Variants in NOTCH3 observed in about 807,000 individuals in gnomAD.
The protein encoded by NOTCH3 is notch receptor 3, also known as neurogenic locus notch homolog protein 3.
NOTCH3 carries 86 observed loss-of-function variants against 213.3 expected under a neutral mutation model. That is an observed-to-expected ratio of 0.40 (90% CI 0.34 to 0.48). The LOEUF (loss-of-function observed/expected upper bound fraction) is 0.48, where lower values mean the gene tolerates loss of function less well. Among genes scored for constraint, NOTCH3 ranks in the 20% least tolerant of loss-of-function variants. The probability of loss-of-function intolerance (pLI) is 0.57; values close to 1 mark genes in which losing one functional copy is unlikely to be tolerated. For synonymous variants in NOTCH3, 1,354 were observed against 1,355.9 expected (o/e 1.00, Z 0.03); for missense variants, 2,783 against 3,272.6 (o/e 0.85, Z 3.65).
At chr19:15,178,202 A>C in intron 23 of NOTCH3, 112 bp from the exon 24 acceptor site, 1 of 658,008 alleles carries the variant, frequency 1.5e-6, no homozygotes, top group Non-Finnish European at 2.5e-6. Context: ...GAGAGGGGGA[A>C]GAGAAGAGGT....
chr19:15,176,159 ATTTTT>A (rs34620350), intron 24 of NOTCH3, among the ~76,000 whole-genome samples: 3 of 119,974 alleles, frequency 2.5e-5, no homozygotes, highest in Admixed American at 8.5e-5. Context: ...AACAAAAGCA[ATTTTT>A]TTTTTTTTTT....
In NOTCH3 at chr19:15,160,678, C is replaced by T. The variant is rs907634463; in HGVS notation, c.6950G>A (p.Arg2317Lys). 4 of 1,613,974 alleles carry T rather than the reference C, an allele frequency of 2.5e-6. 1 individual carries two copies. In the Admixed American group the frequency reaches 5.0e-5, roughly 20 times the overall value. ...ACGAGCGTCTCAGGCCAACACTTGC[C>T]TCTTGGGGGTAACTTCCGGCTGGGG... The part of the protein sequence containing the change: ...LGPQPEVTPK[R>K]QVLA The change falls in exon 33 of 33, where the codon AGG becomes AAG. Residue 2317 changes from arginine to lysine, a missense_variant. Arg to Lys is a conservative substitution (Grantham distance 26). Around this residue, in one of 6 missense-constraint regions of NOTCH3, gnomAD observed 441 missense variants for 432.1 expected, o/e 1.02. Transcript: ENST00000263388.
rs984787803 is a variant in NOTCH3 at position 15,170,691 on chromosome 19, T to A, written c.4871A>T (p.Tyr1624Phe). The A allele has an allele frequency of 6.9e-7, 1 of 1,454,934 alleles. No homozygotes were observed. Among genetic ancestry groups the A allele is most frequent in the Non-Finnish European group, 9.2e-7 (1 of 1,089,688 alleles). The allele number at this position is 1,454,934 out of a possible 1,614,324, so 90.1% of individuals were successfully genotyped here. A position where few individuals can be genotyped will look rare whatever the true frequency, so the allele number is the denominator to read the frequency against. The change falls in exon 26 of 33, where the codon TAC becomes TTC. Residue 1624 changes from tyrosine (Y) to phenylalanine (F), a missense_variant. Tyr to Phe is a conservative substitution (Grantham distance 22). Coordinates refer to ENST00000263388, the MANE Select transcript of NOTCH3 (RefSeq NM_000435.3). ...CGCACCCCGCACGTCCCGCAGTGGG[T>A]ACGGGAAGTCCAGGCGCTCCACCGC... ...LSAVERLDFP[Y>F]PLRDVRGEPL...
At chr19:15,170,285 C>T (rs2145399720) in intron 27 of NOTCH3, 46 bp downstream of exon 27, 1 of 1,576,732 alleles carries the variant, frequency 6.3e-7, no homozygotes, top group Non-Finnish European at 8.7e-7. Context: ...GTCCAGGGTT[C>T]ACAAGGTCCC....
At chr19:15,190,866 C>T (rs1456157880) in intron 6 of NOTCH3, among the ~76,000 whole-genome samples, 1 of 152,074 alleles carries the variant, frequency 6.6e-6, no homozygotes, top group Non-Finnish European at 1.5e-5. Context: ...GGGTTACAGG[C>T]GTGAGCCACC....
chr19:15,192,609 G>A, intron 2 of NOTCH3, 90 bp from the exon 3 acceptor site: 1 of 1,501,076 alleles, frequency 6.7e-7, no homozygotes, highest in Admixed American at 2.0e-5. Flanking sequence ...AACACGCAGG[G>A]AAACAGAGCA....
At position 15,167,283 on chromosome 19, in the gene NOTCH3, A is replaced by G. The variant is rs2145394590; in HGVS notation, c.5328T>C (p.Asp1776=). 6.2e-7 allele frequency: 1 copy of G among 1,613,544 alleles called. No homozygotes were observed. The highest frequency in any genetic ancestry group is 1.7e-5 in the Admixed American group (1 of 60,026). ...MALTPPQGDA[D]ADGMDVNVRG... ...GCACATTGACATCCATGCCATCAGC[A>G]TCTGCGTCGCCCTGTGGTGGTGTCA... Residue 1776 remains aspartate (D), a synonymous_variant, in exon 29 of 33, where the codon GAT becomes GAC. Transcript: ENST00000263388.
chr19:15,175,823 C>A (rs1341880563), intron 24 of NOTCH3, among the ~76,000 whole-genome samples: 2 of 151,176 alleles, frequency 1.3e-5, no homozygotes, highest in Admixed American at 1.3e-4. Flanking sequence ...TGGGATCAAG[C>A]CTGGGGTATC....
chr19:15,186,745 C>T, intron 12 of NOTCH3, 133 bp downstream of exon 12: 1 of 781,056 alleles, frequency 1.3e-6, no homozygotes. Flanking sequence ...AATGAGACAG[C>T]ACAGACTCAG....
Position 15,180,110 on chromosome 19 carries a change from C to T in NOTCH3, c.3289G>A (p.Gly1097Arg), listed in dbSNP as rs765140794. ...CCCCCCATATAGCCACGGCAGGTCC[C>T]CCCATGCTGGCAGGGCTGGGCCAAG... ...PCLAQPCQHG[G>R]TCRGYMGGYM... Residue 1097 changes from glycine to arginine, a missense_variant, in exon 20 of 33, where the codon GGG becomes AGG. Gly to Arg is a moderately radical substitution (Grantham distance 125, BLOSUM62 -2). This residue lies in a region of NOTCH3 where 861 missense variants were observed against 909.1 expected (regional missense o/e 0.95). Transcript: ENST00000263388. The T allele has an allele frequency of 1.2e-5, 20 of 1,612,744 alleles. No homozygotes were observed. The Admixed American group carries it at 3.0e-4, about 24-fold the overall frequency.
chr19:15,173,104 C>T (rs868840376), intron 25 of NOTCH3, among the ~76,000 whole-genome samples: 1 of 19,244 alleles, frequency 5.2e-5, no homozygotes, highest in Non-Finnish European at 7.9e-5. Context: ...TCTTCTTCTT[C>T]TTTTTTTTTT....
At chr19:15,162,765 G>C (rs979666488) in intron 31 of NOTCH3, among the ~76,000 whole-genome samples, 74 of 13,630 alleles carry the variant, frequency 5.4e-3, no homozygotes, top group South Asian at 0.015. Context: ...GTGTCTGTGT[G>C]TGTGTGTTTG....
In NOTCH3 at chr19:15,174,178, C is replaced by T. The variant is rs1172630293; in HGVS notation, c.4626G>A (p.Ser1542=). The part of the protein sequence containing the change: ...LQRLSAILRT[S]LRFRLDAHGQ... ...CGTGCGCGTCCAGGCGGAAGCGCAG[C>T]GAGGTGCGCAGGATGGCGCTGAGCC... Residue 1542 remains serine (S), a synonymous_variant, in exon 25 of 33, where the codon TCG becomes TCA. Coordinates refer to ENST00000263388, the MANE Select transcript of NOTCH3 (RefSeq NM_000435.3). 6.2e-7 allele frequency: 1 copy of T among 1,609,236 alleles called. No individual in the cohort carries two copies.
chr19:15,160,784 T>TGGC lies in NOTCH3; in HGVS notation c.6841_6843dup (p.Ala2281dup). Reference sequence around the variant, plus strand: ...TGGGCAGGCAGTGCCCCAGTGGTGGTGGCCATGGCCCCAGTGGCAGTGGCT... The same window carrying TGGC: ...TGGGCAGGCAGTGCCCCAGTGGTGGTGGCGGCCATGGCCCCAGTGGCAGTGGCT... On this transcript the variant is annotated inframe_insertion, in exon 33 of 33. Coordinates refer to ENST00000263388, the MANE Select transcript of NOTCH3 (RefSeq NM_000435.3). 1 of 1,613,568 alleles carries TGGC rather than the reference T, an allele frequency of 6.2e-7. No individual in the cohort carries two copies.
rs2145428834 is a variant in NOTCH3, at chr19:15,184,998, G to T, written c.2318C>A (p.Ser773Tyr). 3 of 1,528,792 alleles carry T rather than the reference G, an allele frequency of 2.0e-6. No homozygotes were observed. The highest frequency in any genetic ancestry group is 2.0e-5 in the Admixed American group (1 of 49,824). 94.7% of individuals were successfully genotyped at this position (1,528,792 alleles called of 1,614,324 possible). Reference protein sequence around the residue: ...GVQGRQCELLSPCTPNPCEHG... With the variant: ...GVQGRQCELLYPCTPNPCEHG... ...CTCACAGGGGTTCGGGGTGCAGGGG[G>T]AGAGGAGTTCACACTGACGTCCTGT... Residue 773 changes from serine to tyrosine, a missense_variant, in exon 15 of 33, where the codon TCC becomes TAC. Physicochemically the swap from Ser to Tyr is moderately radical, Grantham distance 144. Transcript: ENST00000263388.
Position 15,165,307 on chromosome 19 carries a change from A to G in NOTCH3, c.5815+61T>C. 1 of 1,556,528 alleles carries G rather than the reference A, an allele frequency of 6.4e-7. No individual in the cohort carries two copies. The highest frequency in any genetic ancestry group is 1.1e-5 in the South Asian group (1 of 90,182). On this transcript the variant is annotated intron_variant, in intron 31 of 32. Coordinates refer to ENST00000263388, the MANE Select transcript of NOTCH3 (RefSeq NM_000435.3). The surrounding 1 kb of genome is among the most constrained non-coding windows in gnomAD (Gnocchi z 4.7). Reference sequence around the variant, plus strand: ...AACATGGGTATGAATTTGCACCAACATGACCCTCAGGGCCCAGGTGACACC... The same window carrying G: ...AACATGGGTATGAATTTGCACCAACGTGACCCTCAGGGCCCAGGTGACACC...
intron 2 of NOTCH3, 59 bp downstream of exon 2, chr19:15,197,441 G>GCGGCCCC: frequency 5.2e-6 from 4 of 768,356 alleles, no homozygotes; most frequent in Non-Finnish European, 9.1e-6. Context: ...AAGACAAATC[G>GCGGCCCC]CCCCTCCCCC....
At chr19:15,194,320 G>C (rs2046953436) in intron 2 of NOTCH3, among the ~76,000 whole-genome samples, 1 of 152,166 alleles carries the variant, frequency 6.6e-6, no homozygotes, top group African/African-American at 2.4e-5. Flanking sequence ...GACAGGGACT[G>C]GAGTGAGACA....
chr19:15,175,354 GA>G (rs2046778584), intron 24 of NOTCH3, among the ~76,000 whole-genome samples: 1 of 127,158 alleles, frequency 7.9e-6, no homozygotes, highest in African/African-American at 3.9e-5. Context: ...CCAAAATGGT[GA>G]AACCCCCGTC....
Sources: gnomAD v4.1 joint callset for allele counts (sites outside exome capture counted in the v4.1 genomes callset) on GRCh38, gnomAD v4.1.1 for gene constraint, gnomAD v4.1.1 regional missense constraint, Gnocchi (gnomAD v3.1) non-coding constraint, MANE v1.5 for transcripts, NCBI Gene and HGNC (gene_info 2026-07-23, HGNC 2026-07-21) for gene names.